COL13A1: variants seen among roughly 807,000 people sequenced by gnomAD.
The protein encoded by COL13A1 is collagen type XIII alpha 1 chain.
A neutral mutation model predicts 130.9 loss-of-function variants in COL13A1; 89 were observed. The ratio of observed to expected loss-of-function variants is 0.68; its 90% CI spans 0.57 to 0.81. The LOEUF (loss-of-function observed/expected upper bound fraction) is 0.81, where lower values mean the gene tolerates loss of function less well. Ranked by LOEUF, COL13A1 falls within the 30% of genes least tolerant of loss-of-function variation. The pLI is 0.00. For synonymous variants in COL13A1, 402 were observed against 341.6 expected (o/e 1.18, Z -1.95); for missense variants, 879 against 934.6 (o/e 0.94, Z 0.78).
intron 10 of COL13A1, among the ~76,000 whole-genome samples, chr10:69,890,084 GC>G (rs926609745): frequency 3.3e-5 from 5 of 152,314 alleles, no homozygotes; most frequent in Non-Finnish European, 5.9e-5. Context: ...AGATGGATCT[GC>G]CCAGGGTACC....
rs2066987479 is a variant in COL13A1 at position 69,936,802 on chromosome 10, CAGG to C, written c.1797+21_1797+23del. On this transcript the variant is annotated intron_variant, in intron 33 of 40. Transcript: ENST00000645393. ...CCAAAGGTAAGGAGAAGTCACATGA[CAGG>C]CGCTGTGTCAGTGCTAGTAGAAAAG... 5 of 1,613,876 alleles carry C rather than the reference CAGG, an allele frequency of 3.1e-6. No homozygotes were observed. The highest frequency in any genetic ancestry group is 4.2e-6 in the Non-Finnish European group (5 of 1,179,824).
chr10:69,845,195 C>CTT (rs61125163), intron 2 of COL13A1, among the ~76,000 whole-genome samples: 1 of 139,282 alleles, frequency 7.2e-6, no homozygotes, highest in Non-Finnish European at 1.5e-5. Flanking sequence ...TTTTCTTTTT[C>CTT]TTTTTTTTTT....
chr10:69,921,988 A>G, intron 22 of COL13A1, 53 bp downstream of exon 22: 2 of 1,551,736 alleles, frequency 1.3e-6, no homozygotes, highest in Non-Finnish European at 1.7e-6. Context: ...CACATCCCAT[A>G]CCTGGCCCTG....
rs954310120 is a variant in COL13A1, at chr10:69,801,910, G to T, written c.-514G>T. The T allele has an allele frequency of 2.0e-5, 3 of 153,134 alleles. No individual in the cohort carries two copies. Among genetic ancestry groups the T allele is most frequent in the Non-Finnish European group, 4.4e-5 (3 of 68,706 alleles). 9.5% of individuals were successfully genotyped at this position (153,134 alleles called of 1,614,324 possible). A position where few individuals can be genotyped will look rare whatever the true frequency, so the allele number is the denominator to read the frequency against. On this transcript the variant is annotated 5_prime_UTR_variant, in exon 1 of 41. Transcript: ENST00000645393. ...GGGAAGTAGCACGGATTGCTCATCC[G>T]ATCCGTGCCGCCGCAGGGAGTGTGT... is the stretch of plus-strand genomic sequence containing the variant.
intron 26 of COL13A1, 193 bp downstream of exon 26, chr10:69,926,065 C>A (rs1589564906): frequency 1.8e-6 from 1 of 554,830 alleles, no homozygotes; most frequent in East Asian, 3.0e-5. Flanking sequence ...GGAAATGGCC[C>A]CATTACTGGC....
chr10:69,825,086 AGCAGT>A (rs1847155521), intron 2 of COL13A1, among the ~76,000 whole-genome samples: 3 of 152,222 alleles, frequency 2.0e-5, no homozygotes, highest in African/African-American at 4.8e-5. Context: ...TATAAATAAT[AGCAGT>A]TACTGCCACT....
intron 27 of COL13A1, among the ~76,000 whole-genome samples, chr10:69,928,297 T>C (rs1014990852): frequency 1.3e-5 from 2 of 152,182 alleles, no homozygotes; most frequent in African/African-American, 4.8e-5. Context: ...GATAAGTGTA[T>C]ATACCCAAGT....
chr10:69,956,815 A>C, intron 39 of COL13A1, 189 bp from the exon 40 acceptor site: 1 of 593,936 alleles, frequency 1.7e-6, no homozygotes, highest in Non-Finnish European at 3.1e-6. Flanking sequence ...ACCAATGGTA[A>C]AATAGCCGGA....
At chr10:69,864,194 A>G (rs907982603) in intron 2 of COL13A1, among the ~76,000 whole-genome samples, 1 of 152,192 alleles carries the variant, frequency 6.6e-6, no homozygotes, top group African/African-American at 2.4e-5. Context: ...TCAGGTTCCA[A>G]GTCTATGGAA....
rs752489083 is a variant in COL13A1, at chr10:69,944,212, A to G, written c.1968+34A>G. ...CACTGAGCCAGGGGCCTGGGCGGCC[A>G]GGAGGGAGAGGCATGCCTGGGACCC... On this transcript the variant is annotated intron_variant, in intron 36 of 40. Coordinates refer to ENST00000645393, the MANE Select transcript of COL13A1 (RefSeq NM_001368882.1). 10 of 1,591,906 alleles carry G rather than the reference A, an allele frequency of 6.3e-6. No individual in the cohort carries two copies. The Admixed American group carries it at 1.7e-4, about 27-fold the overall frequency.
chr10:69,890,511 CT>C (rs929058096), intron 10 of COL13A1, among the ~76,000 whole-genome samples: 1 of 152,254 alleles, frequency 6.6e-6, no homozygotes, highest in Non-Finnish European at 1.5e-5. Flanking sequence ...CAGGCTCCCC[CT>C]GTCCCTGTTC....
rs755387933 is a variant in COL13A1 at position 69,895,574 on chromosome 10, C to A, written c.682C>A (p.Arg228=). 6.2e-7 allele frequency: 1 copy of A among 1,613,882 alleles called. No homozygotes were observed. The highest frequency in any genetic ancestry group is 1.7e-5 in the Admixed American group (1 of 60,016). ...GGGTCAGTGTGGAGAGTACCCACACCGGGTAAGTGAACCCCTAAAATTTAG... is the reference window on the plus strand; with the variant it reads ...GGGTCAGTGTGGAGAGTACCCACACAGGGTAAGTGAACCCCTAAAATTTAG... ...EKGQCGEYPH[R]LLPLLNSVRL... The change falls in exon 13 of 41, where the codon CGG becomes AGG. Residue 228 remains arginine (R), a splice_region_variant and synonymous_variant. Transcript: ENST00000645393.
At chr10:69,867,826 T>G in intron 3 of COL13A1, 21 bp downstream of exon 3, 1 of 718,222 alleles carries the variant, frequency 1.4e-6, no homozygotes. Flanking sequence ...AAGCCGAGGG[T>G]CTCGTGCATC....
At chr10:69,918,143 T>TGGGGTTGGTGGTTGC in intron 18 of COL13A1, 142 bp from the exon 19 acceptor site, 3 of 617,104 alleles carry the variant, frequency 4.9e-6, no homozygotes, top group Non-Finnish European at 8.4e-6. Context: ...ACCTCCCAGG[T>TGGGGTTGGTGGTTGC]GGGGTTGGTG....
intron 4 of COL13A1, among the ~76,000 whole-genome samples, chr10:69,873,356 C>T (rs143738127): frequency 6.6e-6 from 1 of 152,292 alleles, no homozygotes; most frequent in African/African-American, 2.4e-5. Flanking sequence ...TGGAAACTCT[C>T]CCAGTAAGAG....
chr10:69,951,812 T>C (rs191788435), intron 38 of COL13A1, among the ~76,000 whole-genome samples: 264 of 152,314 alleles, frequency 1.7e-3, no homozygotes, highest in Middle Eastern at 6.8e-3. Flanking sequence ...CTGCCCAGCA[T>C]TCAGTGTCAC....
chr10:69,876,218 G>T (rs1308871012), intron 5 of COL13A1, among the ~76,000 whole-genome samples: 1 of 152,176 alleles, frequency 6.6e-6, no homozygotes, highest in Non-Finnish European at 1.5e-5. Context: ...GAAAACCAAG[G>T]CTCAGAAGCT....
At chr10:69,876,432 A>T (rs2763361) in intron 5 of COL13A1, among the ~76,000 whole-genome samples, 5 of 152,020 alleles carry the variant, frequency 3.3e-5, no homozygotes, top group Admixed American at 2.6e-4. Flanking sequence ...AGAGTTCAGG[A>T]CAAGTGTTCC....
intron 2 of COL13A1, among the ~76,000 whole-genome samples, chr10:69,857,557 G>A (rs755496577): frequency 1.8e-4 from 28 of 152,248 alleles, no homozygotes; most frequent in Non-Finnish European, 3.1e-4. Flanking sequence ...AACTGTGCAT[G>A]TGAGGGATCT....
Sources: gnomAD v4.1 joint callset for allele counts (sites outside exome capture counted in the v4.1 genomes callset) on GRCh38, gnomAD v4.1.1 for gene constraint, MANE v1.5 for transcripts, NCBI Gene and HGNC (gene_info 2026-07-23, HGNC 2026-07-21) for gene names.